NYAP2: variants seen among roughly 807,000 people sequenced by gnomAD.
NYAP2 encodes neuronal tyrosine-phosphorylated phosphoinositide-3-kinase adapter 2.
NYAP2 carries 23 observed loss-of-function variants against 50.4 expected under a neutral mutation model. That is an observed-to-expected ratio of 0.46 (90% CI 0.33 to 0.65). NYAP2 has a LOEUF of 0.65. Ranked by LOEUF, NYAP2 falls within the 30% of genes least tolerant of loss-of-function variation. The pLI is 0.02. For synonymous variants in NYAP2, 394 were observed against 365.2 expected, an observed-to-expected ratio of 1.08 and a Z score of -0.90; for missense variants, 885 against 861.0, an observed-to-expected ratio of 1.03 and a Z score of -0.35.
the NYAP2 span, among the ~76,000 whole-genome samples, chr2:225,675,067 C>A: frequency 6.6e-4 from 100 of 152,110 alleles, no homozygotes; most frequent in Non-Finnish European, 9.6e-4. Context: ...TTACAAGCCA[C>A]ATATGTCATA....
chr2:225,583,978 C>T (rs1323649145), intron 5 of NYAP2, among the ~76,000 whole-genome samples: 1 of 151,990 alleles, frequency 6.6e-6, no homozygotes, highest in Non-Finnish European at 1.5e-5. Context: ...GGAGGCAGAG[C>T]TTGTAGTGAG....
At chr2:225,509,163 T>G (rs1216006762) in intron 3 of NYAP2, among the ~76,000 whole-genome samples, 1 of 152,198 alleles carries the variant, frequency 6.6e-6, no homozygotes, top group Non-Finnish European at 1.5e-5. Flanking sequence ...AGTGGCTTAC[T>G]TGGTGGAGAG....
intron 3 of NYAP2, among the ~76,000 whole-genome samples, chr2:225,482,349 T>G (rs185091965): frequency 3.9e-5 from 6 of 152,186 alleles, no homozygotes; most frequent in Admixed American, 3.3e-4. Context: ...GGTAATAGAA[T>G]GGTGCCTGTT....
At chr2:225,611,901 TACACACACACACACACACACACACAC>T (rs147331159) in intron 5 of NYAP2, among the ~76,000 whole-genome samples, 14 of 145,552 alleles carry the variant, frequency 9.6e-5, no homozygotes, top group Non-Finnish European at 1.8e-4. Flanking sequence ...TGTGTGTGTA[TACACACACACACACACACACACACAC>T]ACACACACAC....
chr2:225,441,725 C>A (rs1318776819), intron 3 of NYAP2, among the ~76,000 whole-genome samples: 1 of 152,164 alleles, frequency 6.6e-6, no homozygotes, highest in Non-Finnish European at 1.5e-5. Flanking sequence ...CTCCACGATC[C>A]AATCACCTCC....
chr2:225,446,246 C>CTGTCTCTCTATATATA (rs1239402824), intron 3 of NYAP2, among the ~76,000 whole-genome samples: 4 of 82,282 alleles, frequency 4.9e-5, no homozygotes, highest in Non-Finnish European at 2.1e-5. Flanking sequence ...CTCTCTCTCT[C>CTGTCTCTCTATATATA]TATATATATA....
At chr2:225,671,964 G>A in the NYAP2 span, among the ~76,000 whole-genome samples, 1 of 151,966 alleles carries the variant, frequency 6.6e-6, no homozygotes, top group Non-Finnish European at 1.5e-5. Flanking sequence ...AAATAATGCT[G>A]TAAACAGATG....
chr2:225,547,073 A>G (rs1339809190), intron 4 of NYAP2, among the ~76,000 whole-genome samples: 1 of 152,092 alleles, frequency 6.6e-6, no homozygotes, highest in Non-Finnish European at 1.5e-5. Context: ...GCTAGAAAAA[A>G]GTCCTCTTTA....
chr2:225,472,488 G>A (rs896212080), intron 3 of NYAP2, among the ~76,000 whole-genome samples: 17 of 152,082 alleles, frequency 1.1e-4, no homozygotes, highest in African/African-American at 3.9e-4. Flanking sequence ...TGGTACAGAG[G>A]TAAGAGTCCT....
At chr2:225,552,321 A>C (rs1438050582) in intron 4 of NYAP2, among the ~76,000 whole-genome samples, 1 of 152,240 alleles carries the variant, frequency 6.6e-6, no homozygotes, top group Admixed American at 6.5e-5. Flanking sequence ...CAAATATAGA[A>C]GGACTAAAAA....
intron 6 of NYAP2, among the ~76,000 whole-genome samples, chr2:225,643,793 A>G (rs1053164265): frequency 6.6e-6 from 1 of 151,882 alleles, no homozygotes; most frequent in African/African-American, 2.4e-5. Flanking sequence ...TTATGGCTGC[A>G]TAGTATTCCA....
chr2:225,480,518 G>A (rs1406854385), intron 3 of NYAP2, among the ~76,000 whole-genome samples: 11 of 152,072 alleles, frequency 7.2e-5, no homozygotes, highest in Non-Finnish European at 1.0e-4. Context: ...GACATGCCGA[G>A]GAAGGAAAAT....
At chr2:225,463,998 C>T (rs1185168292) in intron 3 of NYAP2, among the ~76,000 whole-genome samples, 1 of 152,154 alleles carries the variant, frequency 6.6e-6, no homozygotes, top group Non-Finnish European at 1.5e-5. Context: ...TTTTTAAATG[C>T]TGTCTCAGAT....
intron 4 of NYAP2, among the ~76,000 whole-genome samples, chr2:225,530,632 C>T (rs1691238426): frequency 6.6e-6 from 1 of 152,160 alleles, no homozygotes; most frequent in Non-Finnish European, 1.5e-5. Flanking sequence ...ACTGGCTCTC[C>T]TGTCTTCTCA....
chr2:225,620,387 G>C (rs1011768085), intron 5 of NYAP2, among the ~76,000 whole-genome samples: 1 of 150,396 alleles, frequency 6.6e-6, no homozygotes, highest in Admixed American at 6.6e-5. Flanking sequence ...GCACCCACAC[G>C]CACGCACGCA....
At chr2:225,684,241 C>T in the NYAP2 span, among the ~76,000 whole-genome samples, 1 of 152,002 alleles carries the variant, frequency 6.6e-6, no homozygotes, top group African/African-American at 2.4e-5. Context: ...TTTTTCTGCT[C>T]TATGAAAAGT....
chr2:225,518,579 C>A (rs10469785), intron 4 of NYAP2, among the ~76,000 whole-genome samples: 81,023 of 81,620 alleles, frequency 0.99, 40,215 homozygotes, highest in Middle Eastern at 1. Context: ...TTAGCGTGTG[C>A]GCTTATATAT....
intron 5 of NYAP2, among the ~76,000 whole-genome samples, chr2:225,584,800 G>C (rs963399931): frequency 6.6e-6 from 1 of 152,122 alleles, no homozygotes; most frequent in Non-Finnish European, 1.5e-5. Flanking sequence ...AATATATTAG[G>C]CATGTCTGGA....
chr2:225,402,062 G>A (rs1694872004), intron 2 of NYAP2, among the ~76,000 whole-genome samples: 1 of 151,912 alleles, frequency 6.6e-6, no homozygotes, highest in Non-Finnish European at 1.5e-5. Context: ...GAGAAAATGT[G>A]GTCCACAAAT....
Sources: gnomAD v4.1 joint callset for allele counts (sites outside exome capture counted in the v4.1 genomes callset) on GRCh38, gnomAD v4.1.1 for gene constraint, MANE v1.5 for transcripts, NCBI Gene and HGNC (gene_info 2026-07-23, HGNC 2026-07-21) for gene names.